AP3D1: variants seen among roughly 807,000 people sequenced by gnomAD.
AP3D1 encodes AP-3 complex subunit delta-1.
A neutral mutation model predicts 147.6 loss-of-function variants in AP3D1; 51 were observed. That is an observed-to-expected ratio of 0.35 (90% CI 0.28 to 0.44). The LOEUF (loss-of-function observed/expected upper bound fraction) is 0.44, where lower values mean the gene tolerates loss of function less well. Ranked by LOEUF, AP3D1 falls within the 20% of genes least tolerant of loss-of-function variation. The pLI is 1.00. For missense variants in AP3D1, 1,421 were observed against 1,624.2 expected, an observed-to-expected ratio of 0.87 and a Z score of 2.15; for synonymous variants, 760 against 663.0, an observed-to-expected ratio of 1.15 and a Z score of -2.25.
intron 1 of AP3D1, among the ~76,000 whole-genome samples, chr19:2,162,140 A>G (rs2019711608): frequency 6.8e-6 from 1 of 146,996 alleles, no homozygotes; most frequent in African/African-American, 2.5e-5. Flanking sequence ...GACTCAAGTG[A>G]TTTCTCCTGC....
At chr19:2,104,334 A>T (rs1369420483) in intron 31 of AP3D1, among the ~76,000 whole-genome samples, 1 of 129,742 alleles carries the variant, frequency 7.7e-6, no homozygotes, top group Non-Finnish European at 1.8e-5. Flanking sequence ...CCAGACCCCA[A>T]TGCCGAGACC....
At chr19:2,113,008 G>A in intron 23 of AP3D1, 41 bp from the exon 24 acceptor site, 1 of 1,525,254 alleles carries the variant, frequency 6.6e-7, no homozygotes, top group Non-Finnish European at 8.9e-7. Context: ...TGGGCAATGA[G>A]GGGCCCCACT....
rs546849969 is a variant in AP3D1, at chr19:2,120,772, C to T, written c.1481+90G>A. The T allele has an allele frequency of 9.4e-4, 1,250 of 1,328,196 alleles. 7 individuals carry two copies. Among genetic ancestry groups the T allele is most frequent in the African/African-American group, 8.1e-3 (565 of 69,526 alleles). 82.3% of individuals were successfully genotyped at this position (1,328,196 alleles called of 1,614,324 possible). A position where few individuals can be genotyped will look rare whatever the true frequency, so the allele number is the denominator to read the frequency against. On this transcript the variant is annotated intron_variant, in intron 14 of 31. Transcript: ENST00000643116. ...GCCGGGGTGGCAGGGCGATGGGAGA[C>T]GGTAGGAAGGATCTGCCAGGCACAT...
chr19:2,149,284 G>A (rs911562044), intron 1 of AP3D1, among the ~76,000 whole-genome samples: 1 of 152,144 alleles, frequency 6.6e-6, no homozygotes, highest in Non-Finnish European at 1.5e-5. Flanking sequence ...AGTGGCTCAC[G>A]CCTGTAATTC....
chr19:2,161,045 C>T (rs1470872457), intron 1 of AP3D1, among the ~76,000 whole-genome samples: 1 of 151,996 alleles, frequency 6.6e-6, no homozygotes, highest in Non-Finnish European at 1.5e-5. Context: ...CAGGAGGCTG[C>T]CCACATTGAA....
Position 2,118,633 on chromosome 19 carries a change from C to T in AP3D1, c.1681G>A (p.Val561Met). 6.2e-7 allele frequency: 1 copy of T among 1,611,838 alleles called. No individual in the cohort carries two copies. Among genetic ancestry groups the T allele is most frequent in the Middle Eastern group, 1.7e-4 (1 of 6,058 alleles). The change falls in exon 15 of 32, where the codon GTG becomes ATG. Residue 561 changes from valine to methionine, a missense_variant. Physicochemically the swap from Val to Met is conservative, Grantham distance 21. Around this residue, in one of 6 missense-constraint regions of AP3D1, gnomAD observed 310 missense variants for 388.1 expected, o/e 0.80. Coordinates refer to ENST00000643116, the MANE Select transcript of AP3D1 (RefSeq NM_001261826.3). ...QLMVDRLPQFVQSADLEVQER... is the reference protein window; with the variant it reads ...QLMVDRLPQFMQSADLEVQER... ...TGCACCTCCAGGTCTGCGCTCTGCA[C>T]AAACTGGGGCAGCCGGTCCACCATG...
chr19:2,129,336 G>A lies in AP3D1; in HGVS notation c.714C>T (p.Leu238=), dbSNP rs1351648470. 6.2e-7 allele frequency: 1 copy of A among 1,614,062 alleles called. No individual in the cohort carries two copies. ...LMTSSTNNWV[L]IKIIKLFGAL... is the part of the protein sequence containing the mutation. ...TACTTGCCAGCTTGATGATCTTGATGAGGACCCAGTTGTTGGTGGAGGACG... is the reference window on the plus strand; with the variant it reads ...TACTTGCCAGCTTGATGATCTTGATAAGGACCCAGTTGTTGGTGGAGGACG... Residue 238 remains leucine, a synonymous_variant, in exon 7 of 32, where the codon CTC becomes CTT. Coordinates refer to ENST00000643116, the MANE Select transcript of AP3D1 (RefSeq NM_001261826.3).
chr19:2,110,966 CT>C, intron 26 of AP3D1, 70 bp from the exon 27 acceptor site: 1 of 1,521,248 alleles, frequency 6.6e-7, no homozygotes, highest in Non-Finnish European at 9.0e-7. Context: ...CCACCTGTCT[CT>C]TAATGACCAC....
At chr19:2,124,918 A>G (rs760163123) in intron 9 of AP3D1, among the ~76,000 whole-genome samples, 19 of 152,148 alleles carry the variant, frequency 1.2e-4, no homozygotes, top group Non-Finnish European at 2.5e-4. Context: ...CAGCCTGGGC[A>G]ACAAGAGAGA....
chr19:2,103,212 CTAA>C (rs1398784462), intron 31 of AP3D1, among the ~76,000 whole-genome samples: 1 of 146,178 alleles, frequency 6.8e-6, no homozygotes, highest in African/African-American at 2.7e-5. Context: ...TGCGAATTTG[CTAA>C]TTATTAAAAA....
chr19:2,131,355 C>T lies in AP3D1; in HGVS notation c.463-818G>A, dbSNP rs574737496. ...CAGGCAGCCACGTGGGGACAGTGCC[C>T]ATCGGCCACGATCTAGACACCAGGT... On this transcript the variant is annotated intron_variant, in intron 5 of 31. Coordinates refer to ENST00000643116, the MANE Select transcript of AP3D1 (RefSeq NM_001261826.3). Among the ~76,000 whole-genome samples, 5 of 151,510 alleles carry T rather than the reference C, an allele frequency of 3.3e-5. No individual in the cohort carries two copies. The South Asian group carries it at 1.0e-3, about 32-fold the overall frequency.
chr19:2,129,865 C>T (rs935443831), intron 6 of AP3D1, among the ~76,000 whole-genome samples: 3 of 152,298 alleles, frequency 2.0e-5, no homozygotes, highest in Non-Finnish European at 4.4e-5. Flanking sequence ...CATCGGGTCC[C>T]GGGCTTAGGG....
intron 1 of AP3D1, among the ~76,000 whole-genome samples, chr19:2,159,474 C>T (rs558458492): frequency 3.3e-5 from 5 of 152,032 alleles, no homozygotes; most frequent in South Asian, 2.1e-4. Flanking sequence ...CCGCAAGCTC[C>T]GCCTCCCGGG....
At chr19:2,116,365 A>C in intron 17 of AP3D1, 87 bp from the exon 18 acceptor site, 2 of 1,413,008 alleles carry the variant, frequency 1.4e-6, no homozygotes, top group African/African-American at 1.4e-5. Flanking sequence ...CAGCTGGGGA[A>C]GGCTGGATCT....
chr19:2,141,103 C>T (rs996333216), intron 1 of AP3D1, among the ~76,000 whole-genome samples: 1 of 152,036 alleles, frequency 6.6e-6, no homozygotes, highest in Admixed American at 6.6e-5. Flanking sequence ...GAGACATGAC[C>T]TAGACCCAAA....
intron 1 of AP3D1, 88 bp downstream of exon 1, chr19:2,151,151 G>A: frequency 2.4e-6 from 3 of 1,276,590 alleles, no homozygotes; most frequent in Non-Finnish European, 3.2e-6. Flanking sequence ...CCGGGCGGGC[G>A]GCAGGCCGAG....
At chr19:2,132,103 T>C (rs1468786440) in intron 5 of AP3D1, among the ~76,000 whole-genome samples, 2 of 151,508 alleles carry the variant, frequency 1.3e-5, no homozygotes, top group Non-Finnish European at 2.9e-5. Flanking sequence ...ACAAGCAGAG[T>C]GGCAAGGAGG....
At chr19:2,115,723 G>T in intron 18 of AP3D1, 110 bp from the exon 19 acceptor site, 3 of 1,207,038 alleles carry the variant, frequency 2.5e-6, no homozygotes, top group Non-Finnish European at 3.4e-6. Flanking sequence ...CTAAGGAGCT[G>T]GGGTCCTGCC....
At chr19:2,161,764 C>CA (rs1385979374) in intron 1 of AP3D1, among the ~76,000 whole-genome samples, 3 of 151,934 alleles carry the variant, frequency 2.0e-5, no homozygotes, top group Non-Finnish European at 2.9e-5. Context: ...GCCTGGCCAA[C>CA]ATGGCGAGAC....
Sources: allele counts gnomAD v4.1 joint callset (sites outside exome capture counted in the v4.1 genomes callset), GRCh38; gene constraint gnomAD v4.1.1; regional missense constraint gnomAD v4.1.1; transcripts MANE v1.5; gene names NCBI Gene and HGNC (gene_info 2026-07-23, HGNC 2026-07-21).